ST8SIA2: variants seen among roughly 807,000 people sequenced by gnomAD.
The protein encoded by ST8SIA2 is alpha-2,8-sialyltransferase 8B.
Under a neutral mutation model 37.6 loss-of-function variants are expected in ST8SIA2, and 22 were observed. The ratio of observed to expected loss-of-function variants is 0.58; its 90% CI spans 0.42 to 0.83. The LOEUF (loss-of-function observed/expected upper bound fraction) is 0.83. Among genes scored for constraint, ST8SIA2 ranks in the 40% least tolerant of loss-of-function variants. ST8SIA2 has a pLI of 0.00. For missense variants in ST8SIA2, 382 were observed against 484.7 expected (o/e 0.79, Z 1.99); for synonymous variants, 205 against 201.2 (o/e 1.02, Z -0.16).
At chr15:92,427,879 A>T (rs1052502165) in intron 1 of ST8SIA2, among the ~76,000 whole-genome samples, 1 of 152,228 alleles carries the variant, frequency 6.6e-6, no homozygotes, top group Non-Finnish European at 1.5e-5. Flanking sequence ...AGCTATTTGG[A>T]GGCTGAGGCA....
chr15:92,439,283 T>C (rs981427016), intron 4 of ST8SIA2, among the ~76,000 whole-genome samples: 1 of 132,520 alleles, frequency 7.5e-6, no homozygotes, highest in Admixed American at 8.3e-5. Context: ...ATCTGGGAAG[T>C]GCGGGAGTAA....
intron 2 of ST8SIA2, among the ~76,000 whole-genome samples, chr15:92,430,423 T>C (rs2049706951): frequency 6.6e-6 from 1 of 152,208 alleles, no homozygotes; most frequent in Non-Finnish European, 1.5e-5. Context: ...TGCTGAGCAA[T>C]GGAGACCCTG....
chr15:92,418,479 A>C (rs1028261723), intron 1 of ST8SIA2, among the ~76,000 whole-genome samples: 2 of 151,514 alleles, frequency 1.3e-5, no homozygotes, highest in African/African-American at 2.4e-5. Context: ...AAAAAAAAAA[A>C]AAAAGGCTTC....
At chr15:92,412,377 G>T (rs2141811884) in intron 1 of ST8SIA2, among the ~76,000 whole-genome samples, 1 of 152,132 alleles carries the variant, frequency 6.6e-6, no homozygotes, top group Middle Eastern at 3.4e-3. Flanking sequence ...AGGTTCAGAG[G>T]AGAGATGAAG....
At chr15:92,453,298 G>T (rs573135295) in intron 5 of ST8SIA2, among the ~76,000 whole-genome samples, 1 of 152,084 alleles carries the variant, frequency 6.6e-6, no homozygotes, top group Admixed American at 6.5e-5. Flanking sequence ...ACGGGGCTTG[G>T]TGTCTGTCCC....
intron 5 of ST8SIA2, among the ~76,000 whole-genome samples, chr15:92,449,506 T>A (rs1419612901): frequency 6.6e-6 from 1 of 152,226 alleles, no homozygotes; most frequent in African/African-American, 2.4e-5. Flanking sequence ...ATGATTTGTT[T>A]TCTTTTGGAT....
At chr15:92,438,866 G>T (rs12441750) in intron 4 of ST8SIA2, among the ~76,000 whole-genome samples, 51,775 of 152,076 alleles carry the variant, frequency 0.34, 9,944 homozygotes, top group East Asian at 0.65. Flanking sequence ...GGGAGCCCAG[G>T]TCATTCTGAT....
At position 92,434,330 on chromosome 15, in the gene ST8SIA2, C is replaced by G; in HGVS notation, c.245C>G (p.Ala82Gly). The G allele has an allele frequency of 1.2e-6, 2 of 1,614,150 alleles. No individual in the cohort carries two copies. The highest frequency in any genetic ancestry group is 2.2e-5 in the South Asian group (2 of 91,074). Reference sequence around the variant, plus strand: ...AGCATCAAGCACAACATCCAGCCAGCCTCGTCCAAATGGAGACATAACCAG... The same window carrying G: ...AGCATCAAGCACAACATCCAGCCAGGCTCGTCCAAATGGAGACATAACCAG... ...NESIKHNIQP[A>G]SSKWRHNQTL... The change falls in exon 3 of 6, where the codon GCC (alanine) becomes GGC (glycine). Residue 82 changes from alanine to glycine, a missense_variant. Transcript: ENST00000268164.
At chr15:92,409,680 G>A (rs1038798920) in intron 1 of ST8SIA2, among the ~76,000 whole-genome samples, 19 of 152,244 alleles carry the variant, frequency 1.2e-4, no homozygotes, top group Admixed American at 6.5e-4. Flanking sequence ...TGTGTGCCAC[G>A]AGCCACCCTG....
chr15:92,454,466 GA>G (rs2049904885), intron 5 of ST8SIA2, among the ~76,000 whole-genome samples: 1 of 152,040 alleles, frequency 6.6e-6, no homozygotes, highest in Non-Finnish European at 1.5e-5. Context: ...GAGTTTGGGG[GA>G]AATGAGAAAT....
In ST8SIA2 at chr15:92,413,431, G is replaced by A. The variant is rs918021072; in HGVS notation, c.99-16618G>A. Among the ~76,000 whole-genome samples, 5 of 152,160 alleles carry A rather than the reference G, an allele frequency of 3.3e-5. No homozygotes were observed. In the South Asian group the frequency reaches 6.2e-4, roughly 19 times the overall value. On this transcript the variant is annotated intron_variant, in intron 1 of 5. Coordinates refer to ENST00000268164, the MANE Select transcript of ST8SIA2 (RefSeq NM_006011.4). The stretch of plus-strand genomic sequence containing the variant: ...TTAAGGTGGAGCTAGGGACCATACC[G>A]AAGACTGTGTTCTCATTTGCCACCT...
At chr15:92,408,734 C>T (rs1335501772) in intron 1 of ST8SIA2, among the ~76,000 whole-genome samples, 1 of 150,438 alleles carries the variant, frequency 6.6e-6, no homozygotes, top group South Asian at 2.1e-4. Flanking sequence ...GAGATGGAGT[C>T]TCACTCTGTC....
chr15:92,429,048 G>A (rs180722742), intron 1 of ST8SIA2, among the ~76,000 whole-genome samples: 99 of 152,190 alleles, frequency 6.5e-4, no homozygotes, highest in African/African-American at 2.2e-3. Flanking sequence ...AACTCCCCCC[G>A]CAGTGTTCTC....
intron 2 of ST8SIA2, 58 bp from the exon 3 acceptor site, chr15:92,434,189 T>G: frequency 6.2e-7 from 1 of 1,610,108 alleles, no homozygotes; most frequent in Non-Finnish European, 8.5e-7. Context: ...ACTATTAGAC[T>G]TGTCGTCGGC....
At chr15:92,424,293 AC>A (rs1423217534) in intron 1 of ST8SIA2, among the ~76,000 whole-genome samples, 7 of 152,328 alleles carry the variant, frequency 4.6e-5, no homozygotes, top group African/African-American at 1.7e-4. Flanking sequence ...ACTGGACCTT[AC>A]CTTACCTATA....
Position 92,466,370 on chromosome 15 carries a change from G to T in ST8SIA2, c.*1985G>T, listed in dbSNP as rs2049992155. 1 of 152,176 alleles carries T rather than the reference G, an allele frequency of 6.6e-6. No homozygotes were observed. The highest frequency in any genetic ancestry group is 2.4e-5 in the African/African-American group (1 of 41,434). 9.4% of individuals were successfully genotyped at this position (152,176 alleles called of 1,614,324 possible). ...CTTGAGGATCTCAAAGACCGTAGAAGACATTTAATTTCTAAAGCTTGAAGT... is the reference window on the plus strand; with the variant it reads ...CTTGAGGATCTCAAAGACCGTAGAATACATTTAATTTCTAAAGCTTGAAGT... On this transcript the variant is annotated 3_prime_UTR_variant, in exon 6 of 6. Coordinates refer to ENST00000268164, the MANE Select transcript of ST8SIA2 (RefSeq NM_006011.4).
At chr15:92,401,076 C>T (rs2049466710) in intron 1 of ST8SIA2, among the ~76,000 whole-genome samples, 1 of 152,080 alleles carries the variant, frequency 6.6e-6, no homozygotes, top group African/African-American at 2.4e-5. Flanking sequence ...GGTCCGGAGC[C>T]TCATCTCTCT....
At position 92,466,839 on chromosome 15, in the gene ST8SIA2, C is replaced by G. The variant is rs1416478719; in HGVS notation, c.*2454C>G. ...CTTTCTCTGGCTCATTGTCCTTCTC[C>G]ATCTGGGCCAATTGTCCTTCCCTGC... On this transcript the variant is annotated 3_prime_UTR_variant, in exon 6 of 6. Coordinates refer to ENST00000268164, the MANE Select transcript of ST8SIA2 (RefSeq NM_006011.4). 6.6e-6 allele frequency: 1 copy of G among 152,424 alleles called. No homozygotes were observed. Among genetic ancestry groups the G allele is most frequent in the Non-Finnish European group, 1.5e-5 (1 of 68,198 alleles). 9.4% of individuals were successfully genotyped at this position (152,424 alleles called of 1,614,324 possible). A position where few individuals can be genotyped will look rare whatever the true frequency, so the allele number is the denominator to read the frequency against.
rs760619261 is a variant in ST8SIA2, at chr15:92,394,031, G to T, written c.-34G>T. On this transcript the variant is annotated 5_prime_UTR_variant, in exon 1 of 6. Transcript: ENST00000268164. ...CCCTCCGGCCCCTGCTCCTCGCGCCGGCCCGCGTGGGTCCCGGCGGGCGCG... is the reference window on the plus strand; with the variant it reads ...CCCTCCGGCCCCTGCTCCTCGCGCCTGCCCGCGTGGGTCCCGGCGGGCGCG... The T allele has an allele frequency of 1.3e-6, 2 of 1,521,888 alleles. No homozygotes were observed. Among genetic ancestry groups the T allele is most frequent in the Admixed American group, 2.0e-5 (1 of 49,400 alleles). 94.3% of individuals were successfully genotyped at this position (1,521,888 alleles called of 1,614,324 possible).
Sources: allele counts gnomAD v4.1 joint callset (sites outside exome capture counted in the v4.1 genomes callset), GRCh38; gene constraint gnomAD v4.1.1; transcripts MANE v1.5; gene names NCBI Gene and HGNC (gene_info 2026-07-23, HGNC 2026-07-21).